The following ABCA4 variants were observed in gnomAD, a reference collection of about 807,000 sequenced individuals.
ABCA4 encodes the protein ATP binding cassette subfamily A member 4.
A neutral mutation model predicts 263.7 loss-of-function variants in ABCA4; 196 were observed. The observed-to-expected ratio is 0.74, with a 90% CI of 0.66 to 0.84. The LOEUF (loss-of-function observed/expected upper bound fraction) is 0.84, where lower values mean the gene tolerates loss of function less well. Among genes scored for constraint, ABCA4 ranks in the 40% least tolerant of loss-of-function variants. ABCA4 has a pLI of 0.00. For synonymous variants in ABCA4, 1,133 were observed against 1,094.2 expected (o/e 1.04, Z -0.70); for missense variants, 2,792 against 2,855.1 (o/e 0.98, Z 0.50).
At position 94,011,323 on chromosome 1, in the gene ABCA4, C is replaced by G. The variant is rs373677567; in HGVS notation, c.5523G>C (p.Leu1841=). The G allele has an allele frequency of 1.2e-6, 2 of 1,614,032 alleles. No homozygotes were observed. Among genetic ancestry groups the G allele is most frequent in the Admixed American group, 1.7e-5 (1 of 60,012 alleles). Reference sequence around the variant, plus strand: ...GTGCAAGGTCAATGAGGCCCCGGCCCAGGCAGAAGTGGGGGAAGACAATGA... The same window carrying G: ...GTGCAAGGTCAATGAGGCCCCGGCCGAGGCAGAAGTGGGGGAAGACAATGA... The part of the protein sequence containing the change: ...KLLIVFPHFC[L]GRGLIDLALS... Residue 1841 remains leucine (L), a synonymous_variant, in exon 39 of 50, where the codon CTG becomes CTC. Transcript: ENST00000370225.
At chr1:94,078,463 T>A (rs1661595593) in intron 10 of ABCA4, 127 bp downstream of exon 10, 1 of 755,884 alleles carries the variant, frequency 1.3e-6, no homozygotes, top group African/African-American at 1.7e-5. Context: ...CTTTGGGGCC[T>A]GCTTGTTGTA....
chr1:94,045,645 A>G (rs531284575), intron 19 of ABCA4: 2 of 424,984 alleles, frequency 4.7e-6, no homozygotes, highest in East Asian at 1.4e-4. Context: ...TTCTGATACC[A>G]TCTCAGGCTA....
chr1:94,063,236 T>G lies in ABCA4; in HGVS notation c.1636A>C (p.Met546Leu), dbSNP rs148391873. The G allele has an allele frequency of 2.5e-5, 41 of 1,614,004 alleles. No individual in the cohort carries two copies. The African/African-American group carries it at 4.8e-4, about 19-fold the overall frequency. Residue 546 changes from methionine to leucine, a missense_variant, in exon 12 of 50, where the codon ATG becomes CTG. Met to Leu is a conservative substitution (Grantham distance 15). Transcript: ENST00000370225. ...GGGAATACCACTCCGGCCCAGAACA[T>G]GTTTTCCTCCAGTAGAGAGAGGGCA... ...QRALSLLEEN[M>L]FWAGVVFPDM...
intron 1 of ABCA4, among the ~76,000 whole-genome samples, chr1:94,119,356 G>A (rs985567961): frequency 2.0e-5 from 3 of 152,160 alleles, no homozygotes; most frequent in Admixed American, 1.3e-4. Flanking sequence ...GGTTTAACTT[G>A]TCTCTTCCCC....
rs536673049 is a variant in ABCA4, at chr1:94,036,524, G to A, written c.3862+216C>T. On this transcript the variant is annotated intron_variant, in intron 26 of 49. Transcript: ENST00000370225. Reference sequence around the variant, plus strand: ...CCCGAGTAGCTGGAATTACAGGTGCGCGCCACCACACCTAGCTAATTTTTG... The same window carrying A: ...CCCGAGTAGCTGGAATTACAGGTGCACGCCACCACACCTAGCTAATTTTTG... Among the ~76,000 whole-genome samples, 7 of 151,810 alleles carry A rather than the reference G, an allele frequency of 4.6e-5. No homozygotes were observed. The South Asian group carries it at 6.3e-4, about 14-fold the overall frequency.
At chr1:94,011,431 C>T in intron 38 of ABCA4, 46 bp from the exon 39 acceptor site, 1 of 1,603,192 alleles carries the variant, frequency 6.2e-7, no homozygotes, top group Non-Finnish European at 8.5e-7. Flanking sequence ...AAACCCCACC[C>T]CCCCTCTCTT....
chr1:94,025,628 C>T (rs149421784), intron 30 of ABCA4: 164 of 170,118 alleles, frequency 9.6e-4, no homozygotes, highest in Non-Finnish European at 1.6e-3. Flanking sequence ...TTGTGCTTGG[C>T]TGTTCACTCT....
intron 13 of ABCA4, 126 bp from the exon 14 acceptor site, chr1:94,060,885 T>C: frequency 1.3e-6 from 1 of 784,376 alleles, no homozygotes; most frequent in Non-Finnish European, 2.2e-6. Context: ...CAGGAAAACC[T>C]CCCCTGGACA....
In ABCA4 at chr1:93,998,212, T is replaced by C. The variant is rs10874826; in HGVS notation, c.6480-102A>G. On this transcript the variant is annotated intron_variant, in intron 47 of 49. Coordinates refer to ENST00000370225, the MANE Select transcript of ABCA4 (RefSeq NM_000350.3). ...TCATCAGAAATTTTGGGGATTAAGC[T>C]CAGCTTGGTGGCTCACACCTGAAAT... 112,202 of 1,532,870 alleles carry C rather than the reference T, an allele frequency of 0.073. 6,331 individuals carry two copies. Among genetic ancestry groups the C allele is most frequent in the African/African-American group, 0.3 (21,994 of 73,354 alleles). The allele number at this position is 1,532,870 out of a possible 1,614,324, so 95.0% of individuals were successfully genotyped here. A position where few individuals can be genotyped will look rare whatever the true frequency, so the allele number is the denominator to read the frequency against.
chr1:94,032,566 G>A (rs1660233502), intron 26 of ABCA4, among the ~76,000 whole-genome samples: 1 of 152,148 alleles, frequency 6.6e-6, no homozygotes, highest in Non-Finnish European at 1.5e-5. Flanking sequence ...AACCCAGGAG[G>A]TGGAGGTTGC....
At chr1:94,060,121 G>T (rs1029976209) in intron 14 of ABCA4, among the ~76,000 whole-genome samples, 2 of 152,188 alleles carry the variant, frequency 1.3e-5, no homozygotes, top group African/African-American at 2.4e-5. Context: ...AAGGCAAAAG[G>T]CTTTCCCCAT....
chr1:94,024,707 A>G (rs1659988652), intron 31 of ABCA4, among the ~76,000 whole-genome samples: 1 of 152,230 alleles, frequency 6.6e-6, no homozygotes, highest in African/African-American at 2.4e-5. Flanking sequence ...GTTAAAATTT[A>G]AGACTGCTTG....
rs1404675330 is a variant in ABCA4 at position 94,056,808 on chromosome 1, T to C, written c.2175A>G (p.Leu725=). 2 of 1,605,686 alleles carry C rather than the reference T, an allele frequency of 1.2e-6. No homozygotes were observed. Among genetic ancestry groups the C allele is most frequent in the Non-Finnish European group, 1.7e-6 (2 of 1,175,810 alleles). ...LTIFIMHGRI[L]HYSDPFILFL... ...AGAGGATGAATGGGTCGCTGTAATG[T>C]AGGATTCTTCCATGCTGAAACCAAG... Residue 725 remains leucine, a synonymous_variant, in exon 15 of 50, where the codon CTA becomes CTG. Coordinates refer to ENST00000370225, the MANE Select transcript of ABCA4 (RefSeq NM_000350.3).
In ABCA4 at chr1:94,040,055, GT is replaced by G. The variant is rs1396816886; in HGVS notation, c.3594del (p.Glu1198AspfsTer8). ...GTCCAGTCCTTACCATCCAGGACTT[GT>G]TCTGGAGTTAGGTCATCGACGTGGG... is the stretch of plus-strand genomic sequence containing the variant. ...CPAHVDDLTP[E>X]QVLDGDVNEL... is the part of the protein sequence containing the mutation. On this transcript the variant is annotated frameshift_variant, in exon 24 of 50. Coordinates refer to ENST00000370225, the MANE Select transcript of ABCA4 (RefSeq NM_000350.3). LOFTEE classifies it high-confidence loss of function. 6.2e-7 allele frequency: 1 copy of G among 1,605,998 alleles called. No individual in the cohort carries two copies. Among genetic ancestry groups the G allele is most frequent in the African/African-American group, 1.3e-5 (1 of 74,866 alleles).
intron 1 of ABCA4, among the ~76,000 whole-genome samples, chr1:94,116,564 G>A (rs4147805): frequency 0.066 from 10,024 of 152,084 alleles, 679 homozygotes; most frequent in African/African-American, 0.17. Context: ...TTTTTGGCGG[G>A]GGGCGGGGGC....
At chr1:94,060,339 G>C (rs1661084908) in intron 14 of ABCA4, among the ~76,000 whole-genome samples, 198 bp downstream of exon 14, 1 of 152,196 alleles carries the variant, frequency 6.6e-6, no homozygotes, top group Admixed American at 6.5e-5. Context: ...GGAGATGGGA[G>C]GATGCTGTGA....
chr1:94,086,808 C>A (rs1477508944), intron 6 of ABCA4, among the ~76,000 whole-genome samples: 1 of 152,196 alleles, frequency 6.6e-6, no homozygotes, highest in Non-Finnish European at 1.5e-5. Flanking sequence ...GAACACCCTG[C>A]CCCAAATGGT....
Position 94,029,597 on chromosome 1 carries a change from T to G in ABCA4, c.4387A>C (p.Thr1463Pro), listed in dbSNP as rs113134400. ...YPCGNSTPWKTPSVSPNITQL... is the reference protein window; with the variant it reads ...YPCGNSTPWKPPSVSPNITQL... The stretch of plus-strand genomic sequence containing the variant: ...GTGATGTTTGGGGACACAGAAGGAG[T>G]CTTCCAGGGTGTTGAGTTGCCACAG... Residue 1463 changes from threonine (T) to proline (P), a missense_variant, in exon 30 of 50, where the codon ACT (threonine) becomes CCT (proline). Physicochemically the swap from Thr to Pro is conservative, Grantham distance 38. Coordinates refer to ENST00000370225, the MANE Select transcript of ABCA4 (RefSeq NM_000350.3). 11 of 1,613,572 alleles carry G rather than the reference T, an allele frequency of 6.8e-6. No individual in the cohort carries two copies. The African/African-American group carries it at 1.1e-4, about 16-fold the overall frequency.
chr1:94,003,274 T>A (rs1659244081), intron 44 of ABCA4, among the ~76,000 whole-genome samples: 2 of 152,210 alleles, frequency 1.3e-5, no homozygotes. Context: ...TATGCCTGTT[T>A]AGCCTCCTGC....
Sources: allele counts gnomAD v4.1 joint callset (sites outside exome capture counted in the v4.1 genomes callset), GRCh38; gene constraint gnomAD v4.1.1; transcripts MANE v1.5; gene names NCBI Gene and HGNC (gene_info 2026-07-23, HGNC 2026-07-21).